The following CADPS2 variants were observed in gnomAD, a reference collection of about 807,000 sequenced individuals.
CADPS2 encodes calcium-dependent secretion activator 2.
CADPS2 carries 93 observed loss-of-function variants against 172.5 expected under a neutral mutation model. The ratio of observed to expected loss-of-function variants is 0.54; its 90% confidence interval spans 0.46 to 0.64. The LOEUF is 0.64. Among genes scored for constraint, CADPS2 ranks in the 30% least tolerant of loss-of-function variants. The probability of loss-of-function intolerance (pLI) is 0.00; values close to 1 mark genes in which losing one functional copy is unlikely to be tolerated. For synonymous variants in CADPS2, 546 were observed against 555.2 expected, an observed-to-expected ratio of 0.98 and a Z score of 0.23; for missense variants, 1,420 against 1,565.9, an observed-to-expected ratio of 0.91 and a Z score of 1.57.
chr7:122,500,294 T>G (rs907237377), intron 9 of CADPS2, among the ~76,000 whole-genome samples: 1 of 152,188 alleles, frequency 6.6e-6, no homozygotes, highest in African/African-American at 2.4e-5. Flanking sequence ...TTCCACAGTG[T>G]GTGGCACAGA....
intron 2 of CADPS2, among the ~76,000 whole-genome samples, chr7:122,707,460 A>G (rs915717898): frequency 2.0e-5 from 3 of 152,028 alleles, no homozygotes; most frequent in Non-Finnish European, 4.4e-5. Flanking sequence ...CTACTCCAAT[A>G]AAGCAAAACA....
chr7:122,551,084 A>G (rs926963220), intron 8 of CADPS2, among the ~76,000 whole-genome samples: 2 of 152,120 alleles, frequency 1.3e-5, no homozygotes, highest in African/African-American at 2.4e-5. Context: ...CTGATTAGTT[A>G]TCAGAAACAT....
At chr7:122,737,233 C>A (rs1050017955) in intron 1 of CADPS2, among the ~76,000 whole-genome samples, 165 bp from the exon 2 acceptor site, 2 of 152,128 alleles carry the variant, frequency 1.3e-5, no homozygotes, top group Non-Finnish European at 2.9e-5. Context: ...AATGGTTAGA[C>A]CTCCATCTCA....
intron 1 of CADPS2, among the ~76,000 whole-genome samples, chr7:122,872,135 G>GGT (rs1451373700): frequency 6.6e-6 from 1 of 151,996 alleles, no homozygotes; most frequent in Admixed American, 6.6e-5. Flanking sequence ...CAAGATCTGT[G>GGT]GTGGATTAAT....
chr7:122,819,597 A>T (rs975079371), intron 1 of CADPS2, among the ~76,000 whole-genome samples: 1 of 149,130 alleles, frequency 6.7e-6, no homozygotes, highest in South Asian at 2.1e-4. Flanking sequence ...AAACCTCTTA[A>T]AACTCCCCAA....
intron 1 of CADPS2, chr7:122,850,217 G>A: frequency 9.2e-7 from 1 of 1,092,016 alleles, no homozygotes; most frequent in Non-Finnish European, 1.2e-6. Context: ...AACTCGCCAA[G>A]TGACAGGGAC....
chr7:122,439,669 TCTCTA>T (rs1353536201), intron 16 of CADPS2, among the ~76,000 whole-genome samples: 2 of 83,818 alleles, frequency 2.4e-5, no homozygotes, highest in African/African-American at 3.4e-5. Context: ...TATCATTCTC[TCTCTA>T]TCAAATTCAA....
rs140715481 is a variant in CADPS2, at chr7:122,608,952, C to G, written c.1223+6229G>C. The stretch of plus-strand genomic sequence containing the variant: ...CCTGTAACCCCAGCACTTTGGGAAG[C>G]TGAGGTGGGAGGATTGCTTGAGGCC... On this transcript the variant is annotated intron_variant, in intron 6 of 29. Coordinates refer to ENST00000449022, the MANE Select transcript of CADPS2 (RefSeq NM_017954.11). Among the ~76,000 whole-genome samples, 1,185 of 152,160 alleles carry G rather than the reference C, an allele frequency of 7.8e-3. 16 individuals are homozygous for G. Among genetic ancestry groups the G allele is most frequent in the African/African-American group, 0.028 (1,144 of 41,522 alleles).
At chr7:122,590,327 T>C (rs964917557) in intron 6 of CADPS2, among the ~76,000 whole-genome samples, 2 of 151,886 alleles carry the variant, frequency 1.3e-5, no homozygotes, top group African/African-American at 4.8e-5. Context: ...CTCACACATA[T>C]GGTCAAATGT....
chr7:122,609,773 C>A (rs1028208909), intron 6 of CADPS2, among the ~76,000 whole-genome samples: 1 of 152,058 alleles, frequency 6.6e-6, no homozygotes, highest in East Asian at 1.9e-4. Context: ...GAAATACGGA[C>A]TAAATAAGGC....
intron 8 of CADPS2, among the ~76,000 whole-genome samples, chr7:122,527,617 A>AGAGAGAGAGAGAGAGAGTGT: frequency 6.4e-4 from 54 of 83,888 alleles, no homozygotes; most frequent in Non-Finnish European, 1.2e-3. Context: ...AGAGAGAGAG[A>AGAGAGAGAGAGAGAGAGTGT]GTGTGTGTGT....
chr7:122,407,067 C>T (rs1214975400), intron 20 of CADPS2, among the ~76,000 whole-genome samples: 3 of 152,128 alleles, frequency 2.0e-5, no homozygotes, highest in African/African-American at 7.2e-5. Flanking sequence ...GCAAGTCATA[C>T]CACACAGCAA....
At chr7:122,543,108 T>G (rs1001474527) in intron 8 of CADPS2, among the ~76,000 whole-genome samples, 1 of 152,030 alleles carries the variant, frequency 6.6e-6, no homozygotes, top group African/African-American at 2.4e-5. Flanking sequence ...TAAGGATATT[T>G]TGGAAACAGC....
chr7:122,679,513 G>C (rs909941401), intron 2 of CADPS2, among the ~76,000 whole-genome samples: 2 of 152,084 alleles, frequency 1.3e-5, no homozygotes, highest in African/African-American at 2.4e-5. Flanking sequence ...CTGACCTTGT[G>C]ATCTCGCCCT....
chr7:122,328,777 TCA>T (rs2034397043), intron 28 of CADPS2, among the ~76,000 whole-genome samples: 1 of 152,180 alleles, frequency 6.6e-6, no homozygotes, highest in Admixed American at 6.5e-5. Flanking sequence ...CTGTATTTAT[TCA>T]CACTTATTGT....
chr7:122,620,623 T>C lies in CADPS2; in HGVS notation c.1104+858A>G, dbSNP rs142315113. ...GTTTTGGAGAACACAATTTTAAATG[T>C]ATGACTTTTCTTCTTGCTCTAATAT... On this transcript the variant is annotated intron_variant, in intron 5 of 29. Transcript: ENST00000449022. Among the ~76,000 whole-genome samples the C allele has an allele frequency of 1.4e-4, 21 of 152,334 alleles. No individual in the cohort carries two copies. The East Asian group carries it at 4.1e-3, about 29-fold the overall frequency.
At chr7:122,728,411 A>C (rs945339379) in intron 2 of CADPS2, among the ~76,000 whole-genome samples, 5 of 151,928 alleles carry the variant, frequency 3.3e-5, no homozygotes, top group African/African-American at 1.2e-4. Context: ...AAATGGAATG[A>C]TACCAATCTG....
At chr7:122,705,622 TATTA>T (rs1270304367) in intron 2 of CADPS2, among the ~76,000 whole-genome samples, 2 of 107,382 alleles carry the variant, frequency 1.9e-5, no homozygotes, top group Non-Finnish European at 3.4e-5. Context: ...CATTTATATA[TATTA>T]TATATGATAT....
intron 25 of CADPS2, among the ~76,000 whole-genome samples, chr7:122,376,627 A>G (rs2151319055): frequency 6.6e-6 from 1 of 152,144 alleles, no homozygotes; most frequent in East Asian, 1.9e-4. Flanking sequence ...TGCATGATGA[A>G]TAAGTCCTGG....
Sources: allele counts gnomAD v4.1 joint callset (sites outside exome capture counted in the v4.1 genomes callset), GRCh38; gene constraint gnomAD v4.1.1; transcripts MANE v1.5; gene names NCBI Gene and HGNC (gene_info 2026-07-23, HGNC 2026-07-21).